The following SAMD12 variants were observed in gnomAD, a reference collection of about 807,000 sequenced individuals.
SAMD12 encodes the protein sterile alpha motif domain-containing protein 12.
SAMD12 carries 9 observed loss-of-function variants against 15.0 expected under a neutral mutation model. That is an observed-to-expected ratio of 0.60 (90% confidence interval 0.36 to 1.05). The LOEUF (loss-of-function observed/expected upper bound fraction) is 1.05, where lower values mean the gene tolerates loss of function less well. Ranked by LOEUF, SAMD12 falls within the 50% of genes least tolerant of loss-of-function variation. The pLI is 0.01. For synonymous variants in SAMD12, 86 were observed against 90.1 expected (o/e 0.96, Z 0.25); for missense variants, 230 against 234.2 (o/e 0.98, Z 0.12).
chr8:118,355,316 C>T (rs1204239778), intron 4 of SAMD12, among the ~76,000 whole-genome samples: 2 of 152,142 alleles, frequency 1.3e-5, no homozygotes, highest in African/African-American at 4.8e-5. Flanking sequence ...TGTTCTCACT[C>T]ATAAGTGGGA....
chr8:118,528,697 GC>G (rs564765696), intron 2 of SAMD12, among the ~76,000 whole-genome samples: 152 of 152,212 alleles, frequency 1.0e-3, no homozygotes, highest in Non-Finnish European at 1.6e-3. Context: ...CATTTCCTCT[GC>G]CCAGAAAAGT....
chr8:118,323,505 T>A (rs1213830926), intron 4 of SAMD12, among the ~76,000 whole-genome samples: 1 of 152,132 alleles, frequency 6.6e-6, no homozygotes, highest in Non-Finnish European at 1.5e-5. Context: ...CTGATTCCTG[T>A]AATCCCAGCA....
intron 4 of SAMD12, among the ~76,000 whole-genome samples, chr8:118,301,982 C>T (rs1815055677): frequency 6.6e-6 from 1 of 150,488 alleles, no homozygotes; most frequent in African/African-American, 2.4e-5. Context: ...TTAGAAAGCT[C>T]GGGCTAGGGA....
the SAMD12 span, among the ~76,000 whole-genome samples, chr8:118,136,140 C>T: frequency 2.0e-5 from 3 of 152,124 alleles, no homozygotes; most frequent in Non-Finnish European, 2.9e-5. Flanking sequence ...AGTAATTCTC[C>T]TGCCTCAGCC....
At chr8:118,301,949 A>AT (rs1432153035) in intron 4 of SAMD12, among the ~76,000 whole-genome samples, 2 of 152,158 alleles carry the variant, frequency 1.3e-5, no homozygotes, top group Non-Finnish European at 2.9e-5. Flanking sequence ...CACTGAGAAG[A>AT]TGGCAGTGAA....
chr8:118,181,783 G>C, the SAMD12 span, among the ~76,000 whole-genome samples: 25 of 152,320 alleles, frequency 1.6e-4, no homozygotes, highest in Admixed American at 1.6e-3. Flanking sequence ...AGCCGAAAGA[G>C]TCCTGACCAA....
the SAMD12 span, among the ~76,000 whole-genome samples, chr8:118,170,597 C>T: frequency 2.0e-5 from 3 of 152,066 alleles, no homozygotes; most frequent in African/African-American, 4.8e-5. Context: ...GTCTTTTCAA[C>T]AAATGGTGCT....
intron 4 of SAMD12, among the ~76,000 whole-genome samples, chr8:118,361,622 C>T (rs1024988327): frequency 1.3e-5 from 2 of 152,166 alleles, no homozygotes; most frequent in South Asian, 4.1e-4. Context: ...TCTTAAAGTA[C>T]TAAGGCACCG....
chr8:118,555,688 T>C lies in SAMD12; in HGVS notation c.192+25027A>G, dbSNP rs561467197. ...TCTGCAAATCAGCACATTATAAATC[T>C]CCATGTTTCTATTAAATAATCTGTA... On this transcript the variant is annotated intron_variant, in intron 2 of 3. Coordinates refer to ENST00000314727, the MANE Select transcript of SAMD12 (RefSeq NM_207506.3). 5.9e-5 allele frequency among the ~76,000 whole-genome samples: 9 copies of C among 152,336 alleles called. No homozygotes were observed. In the East Asian group the frequency reaches 1.7e-3, roughly 29 times the overall value.
intron 4 of SAMD12, among the ~76,000 whole-genome samples, chr8:118,230,786 G>A (rs1366294019): frequency 6.6e-6 from 1 of 152,182 alleles, no homozygotes; most frequent in African/African-American, 2.4e-5. Context: ...AAGAAGGCTG[G>A]TGTGCCTGCA....
intron 4 of SAMD12, among the ~76,000 whole-genome samples, chr8:118,346,167 C>T (rs934668720): frequency 6.6e-6 from 1 of 152,148 alleles, no homozygotes; most frequent in African/African-American, 2.4e-5. Context: ...ATGTAGTAAA[C>T]AAACTTTATA....
intron 4 of SAMD12, among the ~76,000 whole-genome samples, chr8:118,358,813 A>G (rs1342555048): frequency 6.6e-6 from 1 of 152,214 alleles, no homozygotes; most frequent in Non-Finnish European, 1.5e-5. Flanking sequence ...GCATGTTCAG[A>G]GTAGTATATG....
chr8:118,143,783 G>T, the SAMD12 span, among the ~76,000 whole-genome samples: 1 of 152,124 alleles, frequency 6.6e-6, no homozygotes, highest in Non-Finnish European at 1.5e-5. Flanking sequence ...ACATGCCATA[G>T]AATATGGAAA....
chr8:118,505,935 T>A (rs1824909621), intron 2 of SAMD12, among the ~76,000 whole-genome samples: 1 of 152,166 alleles, frequency 6.6e-6, no homozygotes, highest in Non-Finnish European at 1.5e-5. Flanking sequence ...TGGATATTCC[T>A]TGGTGCCCTG....
At chr8:118,469,422 T>C in intron 2 of SAMD12, among the ~76,000 whole-genome samples, 1 of 129,602 alleles carries the variant, frequency 7.7e-6, no homozygotes, top group Admixed American at 1.0e-4. Flanking sequence ...CACACCTATC[T>C]TTAACCTTCC....
chr8:118,290,212 C>T (rs1408576477), intron 4 of SAMD12, among the ~76,000 whole-genome samples: 1 of 152,206 alleles, frequency 6.6e-6, no homozygotes, highest in Non-Finnish European at 1.5e-5. Flanking sequence ...TGGGTTACCA[C>T]AGTGCTATTT....
At chr8:118,556,009 T>C (rs1387470464) in intron 2 of SAMD12, among the ~76,000 whole-genome samples, 1 of 152,146 alleles carries the variant, frequency 6.6e-6, no homozygotes, top group Non-Finnish European at 1.5e-5. Context: ...TAAACTGGCT[T>C]AGAAAAAAGA....
At chr8:118,432,724 C>T (rs1314709132) in intron 3 of SAMD12, among the ~76,000 whole-genome samples, 1 of 152,122 alleles carries the variant, frequency 6.6e-6, no homozygotes, top group African/African-American at 2.4e-5. Context: ...TGGAATTATT[C>T]AGGTGAATGG....
At chr8:118,250,684 T>A (rs1439382322) in intron 4 of SAMD12, among the ~76,000 whole-genome samples, 1 of 151,870 alleles carries the variant, frequency 6.6e-6, no homozygotes. Flanking sequence ...TTATTTTTTT[T>A]TATTTTTGGT....
Sources: allele counts gnomAD v4.1 joint callset (sites outside exome capture counted in the v4.1 genomes callset), GRCh38; gene constraint gnomAD v4.1.1; transcripts MANE v1.5; gene names NCBI Gene and HGNC (gene_info 2026-07-23, HGNC 2026-07-21).